EPHA6: variants seen among roughly 807,000 people sequenced by gnomAD.
EPHA6 encodes the protein ephrin type-A receptor 6.
Under a neutral mutation model 112.0 loss-of-function variants are expected in EPHA6, and 50 were observed. The observed-to-expected ratio is 0.45, with a 90% confidence interval of 0.36 to 0.56. EPHA6 has a LOEUF of 0.56. Among genes scored for constraint, EPHA6 ranks in the 20% least tolerant of loss-of-function variants. EPHA6 has a pLI of 0.00. For missense variants in EPHA6, 1,280 were observed against 1,417.4 expected (o/e 0.90, Z 1.56); for synonymous variants, 529 against 490.7 (o/e 1.08, Z -1.03).
intron 5 of EPHA6, among the ~76,000 whole-genome samples, chr3:97,365,359 A>G (rs1270134805): frequency 6.6e-6 from 1 of 152,074 alleles, no homozygotes; most frequent in Non-Finnish European, 1.5e-5. Context: ...TCATTAGCAA[A>G]ATGTTTAAAA....
chr3:97,448,259 TG>T (rs1481014740), intron 6 of EPHA6, among the ~76,000 whole-genome samples: 1 of 152,172 alleles, frequency 6.6e-6, no homozygotes, highest in Non-Finnish European at 1.5e-5. Flanking sequence ...GCTGCCATTC[TG>T]TGTAAACATA....
At chr3:96,936,537 C>T (rs1437379963) in intron 2 of EPHA6, among the ~76,000 whole-genome samples, 2 of 150,890 alleles carry the variant, frequency 1.3e-5, no homozygotes, top group African/African-American at 4.9e-5. Context: ...TTGTTCTGTA[C>T]TTCAAGCTCA....
chr3:97,203,140 T>C (rs1417042418), intron 3 of EPHA6, among the ~76,000 whole-genome samples: 2 of 152,146 alleles, frequency 1.3e-5, no homozygotes, highest in Admixed American at 6.6e-5. Flanking sequence ...GGTAAGTAAA[T>C]GTAGACTCTA....
At chr3:97,656,414 T>C (rs1427944574) in intron 14 of EPHA6, among the ~76,000 whole-genome samples, 1 of 151,882 alleles carries the variant, frequency 6.6e-6, no homozygotes, top group African/African-American at 2.4e-5. Context: ...AGTGTCACCA[T>C]AGGGCCTACC....
chr3:97,305,968 G>A (rs1424149540), intron 5 of EPHA6, among the ~76,000 whole-genome samples: 2 of 151,764 alleles, frequency 1.3e-5, no homozygotes, highest in Non-Finnish European at 2.9e-5. Context: ...GCCAACACAA[G>A]CAAAGTTTAA....
At chr3:97,221,891 A>G (rs1365626013) in intron 3 of EPHA6, among the ~76,000 whole-genome samples, 3 of 152,006 alleles carry the variant, frequency 2.0e-5, no homozygotes, top group African/African-American at 4.8e-5. Flanking sequence ...TTAGGCAGAT[A>G]TGGTGGTGGG....
At chr3:97,611,566 T>G (rs916269263) in intron 13 of EPHA6, among the ~76,000 whole-genome samples, 3 of 151,878 alleles carry the variant, frequency 2.0e-5, no homozygotes, top group Admixed American at 2.0e-4. Context: ...TATTCATTGA[T>G]AGTGAAAAAA....
Position 96,876,134 on chromosome 3 carries a change from T to TA in EPHA6, c.450+9245_450+9246insA, listed in dbSNP as rs992165059. Among the ~76,000 whole-genome samples the TA allele has an allele frequency of 1.0e-4, 9 of 89,380 alleles. No individual in the cohort carries two copies. The East Asian group carries it at 1.2e-3, about 12-fold the overall frequency. 58.6% of individuals were successfully genotyped at this position (89,380 alleles called of 152,430 possible). On this transcript the variant is annotated intron_variant, in intron 2 of 17. Coordinates refer to ENST00000389672, the MANE Select transcript of EPHA6 (RefSeq NM_001080448.3). ...ACATATTATTAATAAAATACATATA[T>TA]TTTTTTTTTTTTTGTAGAGATGGGG...
chr3:97,605,422 T>G (rs2093673528), intron 12 of EPHA6, among the ~76,000 whole-genome samples: 1 of 151,740 alleles, frequency 6.6e-6, no homozygotes, highest in Non-Finnish European at 1.5e-5. Flanking sequence ...TAGGTTAATT[T>G]TTGTGTATGG....
chr3:96,842,011 T>C (rs1282954118), intron 1 of EPHA6, among the ~76,000 whole-genome samples: 4 of 152,046 alleles, frequency 2.6e-5, no homozygotes, highest in Non-Finnish European at 4.4e-5. Context: ...AGTACTCTTA[T>C]ATCATGCACC....
chr3:97,180,615 C>T (rs951886338), intron 3 of EPHA6, among the ~76,000 whole-genome samples: 4 of 152,196 alleles, frequency 2.6e-5, no homozygotes, highest in Admixed American at 1.3e-4. Flanking sequence ...TAGCAGGTTT[C>T]CCTCTGACCT....
chr3:97,734,410 C>T (rs1264278703), intron 15 of EPHA6, among the ~76,000 whole-genome samples: 1 of 151,958 alleles, frequency 6.6e-6, no homozygotes, highest in Admixed American at 6.6e-5. Flanking sequence ...AAAACCCAAG[C>T]CTAGTTGCTA....
intron 3 of EPHA6, among the ~76,000 whole-genome samples, chr3:97,084,816 C>T (rs78058661): frequency 0.016 from 2,419 of 152,102 alleles, 60 homozygotes; most frequent in African/African-American, 0.056. Context: ...ATTAAAATGG[C>T]CGTACTACCC....
At position 96,870,519 on chromosome 3, in the gene EPHA6, G is replaced by T. The variant is rs367577762; in HGVS notation, c.450+3630G>T. 5.9e-5 allele frequency among the ~76,000 whole-genome samples: 9 copies of T among 152,182 alleles called. No homozygotes were observed. In the South Asian group the frequency reaches 6.2e-4, roughly 11 times the overall value. ...TTGATTCAAATACTAAGCTCTTCCA[G>T]AAACATCCTTACACACACACCTGGA... On this transcript the variant is annotated intron_variant, in intron 2 of 17. Transcript: ENST00000389672.
At chr3:97,716,596 A>AC (rs1275482454) in intron 14 of EPHA6, among the ~76,000 whole-genome samples, 1 of 151,080 alleles carries the variant, frequency 6.6e-6, no homozygotes. Flanking sequence ...AAAAAAAAAA[A>AC]AAGAAAAGAC....
At chr3:97,556,666 G>A (rs1304811184) in intron 11 of EPHA6, among the ~76,000 whole-genome samples, 1 of 152,012 alleles carries the variant, frequency 6.6e-6, no homozygotes, top group Non-Finnish European at 1.5e-5. Flanking sequence ...AGATTTGGGT[G>A]GGGACAGAGC....
intron 9 of EPHA6, chr3:97,481,198 A>T: frequency 9.1e-7 from 1 of 1,100,762 alleles, no homozygotes; most frequent in Non-Finnish European, 1.4e-6. Context: ...CTCATGAAGT[A>T]CTGGAAAAGA....
intron 14 of EPHA6, among the ~76,000 whole-genome samples, chr3:97,702,768 AT>A (rs950763765): frequency 2.6e-5 from 4 of 151,728 alleles, no homozygotes; most frequent in Admixed American, 1.3e-4. Flanking sequence ...TTATTTATTT[AT>A]TTTTTTTACA....
intron 2 of EPHA6, among the ~76,000 whole-genome samples, chr3:96,915,979 T>C (rs2107615187): frequency 6.6e-6 from 1 of 152,252 alleles, no homozygotes; most frequent in South Asian, 2.1e-4. Context: ...TTTGATAAAC[T>C]AAAATGTTAA....
Sources: allele counts gnomAD v4.1 joint callset (sites outside exome capture counted in the v4.1 genomes callset), GRCh38; gene constraint gnomAD v4.1.1; transcripts MANE v1.5; gene names NCBI Gene and HGNC (gene_info 2026-07-23, HGNC 2026-07-21).